ADGRL4: variants seen among roughly 807,000 people sequenced by gnomAD.
ADGRL4 encodes adhesion G protein-coupled receptor L4.
Under a neutral mutation model 74.8 loss-of-function variants are expected in ADGRL4, and 90 were observed. The ratio of observed to expected loss-of-function variants is 1.20; its 90% confidence interval spans 1.02 to 1.43. ADGRL4 has a LOEUF of 1.43. Ranked by LOEUF, ADGRL4 falls within the 40% of genes most tolerant of loss-of-function variation. The probability of loss-of-function intolerance (pLI) is 0.00; values close to 1 mark genes in which losing one functional copy is unlikely to be tolerated. For synonymous variants in ADGRL4, 311 were observed against 279.2 expected (o/e 1.11, Z -1.14); for missense variants, 881 against 814.3 (o/e 1.08, Z -1.00).
intron 2 of ADGRL4, among the ~76,000 whole-genome samples, chr1:78,988,806 G>T (rs756353440): frequency 1.3e-5 from 2 of 151,768 alleles, no homozygotes; most frequent in Admixed American, 6.6e-5. Context: ...CACCAAATTC[G>T]TCTTTAAAAC....
intron 12 of ADGRL4, among the ~76,000 whole-genome samples, chr1:78,913,165 A>C (rs749498908): frequency 1.3e-5 from 2 of 152,002 alleles, no homozygotes; most frequent in Non-Finnish European, 2.9e-5. Flanking sequence ...GGGGAGAAAA[A>C]GGAATGGTTA....
intron 2 of ADGRL4, among the ~76,000 whole-genome samples, chr1:78,978,274 G>A (rs1444867485): frequency 2.6e-5 from 4 of 151,880 alleles, no homozygotes; most frequent in Admixed American, 6.6e-5. Context: ...AGAGACTCTC[G>A]GGAAATTTTC....
At chr1:78,956,506 T>C (rs1273559337) in intron 2 of ADGRL4, among the ~76,000 whole-genome samples, 2 of 152,180 alleles carry the variant, frequency 1.3e-5, no homozygotes, top group Admixed American at 6.6e-5. Flanking sequence ...TGTCTAGTGT[T>C]CAAGTCTATG....
chr1:78,902,421 C>T (rs1193049497), intron 12 of ADGRL4, among the ~76,000 whole-genome samples: 3 of 152,064 alleles, frequency 2.0e-5, no homozygotes, highest in African/African-American at 4.8e-5. Context: ...TCTGTTGTTG[C>T]TCTTATTATT....
At chr1:78,892,089 C>T (rs957997978) in intron 13 of ADGRL4, among the ~76,000 whole-genome samples, 20 of 152,104 alleles carry the variant, frequency 1.3e-4, no homozygotes, top group African/African-American at 4.1e-4. Flanking sequence ...CCCTAAGAAA[C>T]TCCGAAAAGA....
intron 2 of ADGRL4, among the ~76,000 whole-genome samples, chr1:78,980,747 T>A (rs373552463): frequency 2.0e-5 from 3 of 151,968 alleles, no homozygotes; most frequent in African/African-American, 4.8e-5. Flanking sequence ...TCATCTCTCA[T>A]GTTTAAATCA....
chr1:78,942,935 GATA>G (rs1243216367), intron 3 of ADGRL4, among the ~76,000 whole-genome samples: 1 of 151,494 alleles, frequency 6.6e-6, no homozygotes, highest in Non-Finnish European at 1.5e-5. Context: ...CAAAAATAAT[GATA>G]ATAATAATAA....
At chr1:78,914,118 T>C (rs930821104) in intron 12 of ADGRL4, among the ~76,000 whole-genome samples, 13 of 151,880 alleles carry the variant, frequency 8.6e-5, no homozygotes, top group Non-Finnish European at 1.5e-4. Flanking sequence ...TTATAAGGGC[T>C]GCTTGCTTTA....
At chr1:78,910,000 T>G (rs1222877806) in intron 12 of ADGRL4, among the ~76,000 whole-genome samples, 2 of 151,886 alleles carry the variant, frequency 1.3e-5, no homozygotes, top group African/African-American at 4.8e-5. Context: ...GAATATGATA[T>G]ATTACAGATA....
chr1:78,954,554 G>A (rs1414784500), intron 2 of ADGRL4, among the ~76,000 whole-genome samples: 1 of 152,104 alleles, frequency 6.6e-6, no homozygotes, highest in African/African-American at 2.4e-5. Flanking sequence ...GTCAGATTAT[G>A]TTGCAAACAA....
intron 7 of ADGRL4, among the ~76,000 whole-genome samples, chr1:78,934,408 T>G (rs1207584189): frequency 6.6e-6 from 1 of 152,138 alleles, no homozygotes; most frequent in Non-Finnish European, 1.5e-5. Context: ...TAACTCAAGA[T>G]GGATTAAAGA....
intron 2 of ADGRL4, among the ~76,000 whole-genome samples, chr1:78,992,843 GCTGA>G (rs1224988797): frequency 1.3e-5 from 2 of 152,000 alleles, no homozygotes; most frequent in Non-Finnish European, 2.9e-5. Context: ...CTGTCATACA[GCTGA>G]CTAACAAACT....
intron 2 of ADGRL4, among the ~76,000 whole-genome samples, chr1:78,966,725 C>A (rs374028185): frequency 2.6e-4 from 39 of 152,216 alleles, no homozygotes; most frequent in African/African-American, 9.1e-4. Flanking sequence ...TCAACTCCAT[C>A]GGACAGTAAT....
intron 7 of ADGRL4, among the ~76,000 whole-genome samples, chr1:78,928,481 T>A (rs1220531701): frequency 1.3e-5 from 2 of 151,494 alleles, no homozygotes; most frequent in Admixed American, 6.6e-5. Context: ...AAACTTTGAA[T>A]AATTTGAAAA....
chr1:78,958,387 G>C (rs1380494850), intron 2 of ADGRL4, among the ~76,000 whole-genome samples: 2 of 152,246 alleles, frequency 1.3e-5, no homozygotes, highest in Non-Finnish European at 1.5e-5. Context: ...CACCATTCTA[G>C]ATGTCATTAA....
At chr1:78,927,173 A>G in intron 7 of ADGRL4, 82 bp from the exon 8 acceptor site, 1 of 884,078 alleles carries the variant, frequency 1.1e-6, no homozygotes, top group Non-Finnish European at 1.7e-6. Context: ...TAAAAATTGA[A>G]TAGACAAACA....
intron 7 of ADGRL4, among the ~76,000 whole-genome samples, chr1:78,933,244 C>T (rs1649283977): frequency 6.6e-6 from 1 of 151,478 alleles, no homozygotes; most frequent in South Asian, 2.1e-4. Context: ...ATCAGGTCAG[C>T]TTCATCCCTG....
At chr1:78,971,111 G>A (rs981017391) in intron 2 of ADGRL4, among the ~76,000 whole-genome samples, 1 of 152,040 alleles carries the variant, frequency 6.6e-6, no homozygotes, top group African/African-American at 2.4e-5. Context: ...TCATGTGACT[G>A]GAGCCTTGGA....
At chr1:78,963,306 A>C (rs138238303) in intron 2 of ADGRL4, among the ~76,000 whole-genome samples, 2,184 of 152,294 alleles carry the variant, frequency 0.014, 51 homozygotes, top group African/African-American at 0.05. Flanking sequence ...ATAGGTAATC[A>C]AAAATCCACA....
Sources: gnomAD v4.1 joint callset for allele counts (sites outside exome capture counted in the v4.1 genomes callset) on GRCh38, gnomAD v4.1.1 for gene constraint, MANE v1.5 for transcripts, NCBI Gene and HGNC (gene_info 2026-07-23, HGNC 2026-07-21) for gene names.